The following MAPKAP1 variants were observed in gnomAD, a reference collection of about 807,000 sequenced individuals.
MAPKAP1 encodes the protein MAPK associated protein 1, also known as target of rapamycin complex 2 subunit MAPKAP1.
Under a neutral mutation model 65.7 loss-of-function variants are expected in MAPKAP1, and 20 were observed. That is an observed-to-expected ratio of 0.30 (90% CI 0.21 to 0.44). MAPKAP1 has a LOEUF of 0.44. Among genes scored for constraint, MAPKAP1 ranks in the 20% least tolerant of loss-of-function variants. The pLI is 1.00. For synonymous variants in MAPKAP1, 222 were observed against 244.3 expected (o/e 0.91, Z 0.85); for missense variants, 423 against 648.0 (o/e 0.65, Z 3.77).
chr9:125,653,289 C>CCTT, intron 4 of MAPKAP1, among the ~76,000 whole-genome samples: 1 of 152,236 alleles, frequency 6.6e-6, no homozygotes. Flanking sequence ...TGACATAGAG[C>CCTT]CTTCATAAGA....
intron 9 of MAPKAP1, chr9:125,471,770 A>C (rs1853935137): frequency 6.6e-6 from 1 of 152,358 alleles, no homozygotes; most frequent in Non-Finnish European, 1.5e-5. Flanking sequence ...GCAAAGGTGC[A>C]ACCCTGGTAG....
chr9:125,677,226 G>C (rs1369435816), intron 1 of MAPKAP1, among the ~76,000 whole-genome samples: 1 of 152,026 alleles, frequency 6.6e-6, no homozygotes, highest in Non-Finnish European at 1.5e-5. Flanking sequence ...ATCACTTGTG[G>C]TCAGGAGTTT....
chr9:125,462,207 G>A (rs904746157), intron 10 of MAPKAP1, among the ~76,000 whole-genome samples: 1 of 152,200 alleles, frequency 6.6e-6, no homozygotes, highest in African/African-American at 2.4e-5. Flanking sequence ...CGGATAAGCT[G>A]GGGTGTGCCC....
chr9:125,537,866 T>C (rs565699323), intron 7 of MAPKAP1, among the ~76,000 whole-genome samples: 1 of 152,272 alleles, frequency 6.6e-6, no homozygotes, highest in South Asian at 2.1e-4. Flanking sequence ...CTGTGTGTGG[T>C]ATTATGGAGA....
intron 7 of MAPKAP1, among the ~76,000 whole-genome samples, chr9:125,538,018 A>AT (rs932640860): frequency 6.6e-5 from 10 of 151,590 alleles, no homozygotes; most frequent in Non-Finnish European, 1.3e-4. Flanking sequence ...TCAACTCTGT[A>AT]TTTTTTTCTC....
chr9:125,495,746 A>C (rs941669887), intron 8 of MAPKAP1, among the ~76,000 whole-genome samples: 1 of 152,258 alleles, frequency 6.6e-6, no homozygotes, highest in African/African-American at 2.4e-5. Flanking sequence ...GCTGTGGACA[A>C]GGCACAAGTT....
intron 10 of MAPKAP1, among the ~76,000 whole-genome samples, chr9:125,458,234 T>A (rs997473002): frequency 2.2e-5 from 3 of 137,798 alleles, no homozygotes; most frequent in Admixed American, 7.3e-5. Context: ...TTTTTTTTTT[T>A]AATTGATCAT....
At chr9:125,655,649 C>T (rs1335925140) in intron 4 of MAPKAP1, among the ~76,000 whole-genome samples, 1 of 152,196 alleles carries the variant, frequency 6.6e-6, no homozygotes, top group East Asian at 1.9e-4. Context: ...ATTTTCATTA[C>T]ATATCTGCCA....
At chr9:125,592,833 G>C (rs1427855617) in intron 4 of MAPKAP1, among the ~76,000 whole-genome samples, 3 of 151,018 alleles carry the variant, frequency 2.0e-5, no homozygotes, top group Non-Finnish European at 4.4e-5. Context: ...AACCCTGGAG[G>C]CGGAGCTTGC....
At chr9:125,568,455 G>T (rs1831128459) in intron 5 of MAPKAP1, among the ~76,000 whole-genome samples, 1 of 152,156 alleles carries the variant, frequency 6.6e-6, no homozygotes, top group South Asian at 2.1e-4. Context: ...CGGCTGCATT[G>T]AGTGGGTCTT....
chr9:125,466,350 G>A (rs1307141703), intron 10 of MAPKAP1, among the ~76,000 whole-genome samples: 2 of 152,114 alleles, frequency 1.3e-5, no homozygotes, highest in African/African-American at 4.8e-5. Context: ...CTGCCATAGG[G>A]GACAGGGACT....
chr9:125,615,661 C>T (rs1227192807), intron 4 of MAPKAP1, among the ~76,000 whole-genome samples: 1 of 151,860 alleles, frequency 6.6e-6, no homozygotes, highest in African/African-American at 2.4e-5. Flanking sequence ...GTCTGTAATC[C>T]CAGCACTCTG....
intron 10 of MAPKAP1, among the ~76,000 whole-genome samples, chr9:125,454,440 G>A (rs73591524): frequency 0.014 from 2,089 of 152,318 alleles, 47 homozygotes; most frequent in African/African-American, 0.047. Context: ...CTGGAGTGGA[G>A]AGCTAGGGTA....
chr9:125,602,335 G>A (rs79353935), intron 4 of MAPKAP1, among the ~76,000 whole-genome samples: 3,293 of 152,306 alleles, frequency 0.022, 49 homozygotes, highest in South Asian at 0.041. Flanking sequence ...CTTCCTGTTG[G>A]AAAGAATCAC....
chr9:125,480,498 A>G (rs979570867), intron 9 of MAPKAP1, among the ~76,000 whole-genome samples: 1 of 152,202 alleles, frequency 6.6e-6, no homozygotes, highest in Non-Finnish European at 1.5e-5. Context: ...GACTGTCATC[A>G]TTCATGTCTA....
chr9:125,467,815 T>C (rs1332299623), intron 10 of MAPKAP1, among the ~76,000 whole-genome samples, 157 bp downstream of exon 10: 2 of 152,028 alleles, frequency 1.3e-5, no homozygotes, highest in African/African-American at 2.4e-5. Context: ...GGCACCATAA[T>C]ACAATCCCGT....
chr9:125,556,602 G>A (rs981136168), intron 6 of MAPKAP1, among the ~76,000 whole-genome samples: 5 of 152,138 alleles, frequency 3.3e-5, no homozygotes, highest in Non-Finnish European at 7.3e-5. Flanking sequence ...GCCTCTTTCT[G>A]TTTCAGCTTA....
chr9:125,698,325 AT>A (rs1423387499), intron 1 of MAPKAP1, among the ~76,000 whole-genome samples: 29 of 95,604 alleles, frequency 3.0e-4, no homozygotes, highest in East Asian at 3.0e-3. Context: ...ATATATATAT[AT>A]ATATATATAT....
At chr9:125,503,910 T>TA (rs1382721328) in intron 8 of MAPKAP1, among the ~76,000 whole-genome samples, 1 of 102,868 alleles carries the variant, frequency 9.7e-6, no homozygotes, top group African/African-American at 3.6e-5. Context: ...TTTTTTTTTG[T>TA]ATTTTTGGTA....
Sources: gnomAD v4.1 joint callset for allele counts (sites outside exome capture counted in the v4.1 genomes callset) on GRCh38, gnomAD v4.1.1 for gene constraint, MANE v1.5 for transcripts, NCBI Gene and HGNC (gene_info 2026-07-23, HGNC 2026-07-21) for gene names.